ASAP2: variants seen among roughly 807,000 people sequenced by gnomAD.
The protein encoded by ASAP2 is ArfGAP with SH3 domain, ankyrin repeat and PH domain 2, also known as arf-GAP with SH3 domain, ANK repeat and PH domain-containing protein 2.
A neutral mutation model predicts 131.4 loss-of-function variants in ASAP2; 45 were observed. The observed-to-expected ratio is 0.34, with a 90% CI of 0.27 to 0.44. The LOEUF is 0.44. ASAP2 is among the 20% of genes least tolerant of loss of function. The pLI is 1.00. For synonymous variants in ASAP2, 510 were observed against 503.0 expected (o/e 1.01, Z -0.19); for missense variants, 1,011 against 1,297.0 (o/e 0.78, Z 3.39).
chr2:9,354,656 A>G (rs905810436), intron 12 of ASAP2, among the ~76,000 whole-genome samples: 2 of 151,996 alleles, frequency 1.3e-5, no homozygotes, highest in African/African-American at 2.4e-5. Context: ...AAAAAAAAAA[A>G]AAAAAGAAAA....
At chr2:9,324,785 C>T (rs1262949829) in intron 6 of ASAP2, among the ~76,000 whole-genome samples, 1 of 152,190 alleles carries the variant, frequency 6.6e-6, no homozygotes, top group African/African-American at 2.4e-5. Flanking sequence ...TTACTATTTG[C>T]ACCCTTTTAC....
intron 3 of ASAP2, among the ~76,000 whole-genome samples, chr2:9,309,372 G>A (rs1319426769): frequency 6.6e-6 from 1 of 152,176 alleles, no homozygotes; most frequent in Non-Finnish European, 1.5e-5. Context: ...GATGCAAGAA[G>A]CCAGATGAAA....
chr2:9,334,618 G>T, intron 7 of ASAP2, 120 bp from the exon 8 acceptor site: 1 of 806,898 alleles, frequency 1.2e-6, no homozygotes, highest in East Asian at 2.6e-5. Context: ...TGTTCATACA[G>T]TCTTTTCCCC....
At chr2:9,374,967 CT>C (rs761236027) in intron 17 of ASAP2, 23 bp downstream of exon 17, 38 of 1,423,608 alleles carry the variant, frequency 2.7e-5, no homozygotes, top group South Asian at 1.2e-4. Flanking sequence ...GTTGTTGCTA[CT>C]TTAAAAAAAA....
intron 1 of ASAP2, among the ~76,000 whole-genome samples, chr2:9,221,699 T>A (rs373939606): frequency 6.6e-6 from 1 of 152,266 alleles, no homozygotes; most frequent in East Asian, 1.9e-4. Context: ...TTTTGTGTAT[T>A]TGTATGTGTA....
chr2:9,341,023 G>A (rs1281548521), intron 9 of ASAP2, among the ~76,000 whole-genome samples: 1 of 152,194 alleles, frequency 6.6e-6, no homozygotes, highest in African/African-American at 2.4e-5. Flanking sequence ...TGTCAGTCGA[G>A]TTTAGGTTGT....
intron 2 of ASAP2, among the ~76,000 whole-genome samples, chr2:9,289,603 G>T (rs1470614406): frequency 2.6e-5 from 4 of 152,166 alleles, no homozygotes. Context: ...TGCCTTCCAA[G>T]TGTACTCCTA....
Position 9,405,628 on chromosome 2 carries a change from TC to T in ASAP2, c.*2302del, listed in dbSNP as rs1281752016. The stretch of plus-strand genomic sequence containing the variant: ...AGAGCATGTTTAATAAGTTTACTCT[TC>T]TTGTTAACTAGTCATTTGACTGGAA... On this transcript the variant is annotated 3_prime_UTR_variant, in exon 28 of 28. Transcript: ENST00000281419. 6.6e-6 allele frequency: 1 copy of T among 152,642 alleles called. No homozygotes were observed. The highest frequency in any genetic ancestry group is 1.9e-4 in the East Asian group (1 of 5,204). The allele number at this position is 152,642 out of a possible 1,614,324, so 9.5% of individuals were successfully genotyped here.
At chr2:9,317,119 CACA>C (rs572428930) in intron 3 of ASAP2, among the ~76,000 whole-genome samples, 1,024 of 15,222 alleles carry the variant, frequency 0.067, 16 homozygotes, top group African/African-American at 0.1. Context: ...CCCACGCAAT[CACA>C]ACCACACAAC....
At chr2:9,274,050 A>G (rs1466168160) in intron 1 of ASAP2, among the ~76,000 whole-genome samples, 3 of 152,222 alleles carry the variant, frequency 2.0e-5, no homozygotes, top group Non-Finnish European at 4.4e-5. Flanking sequence ...TAGAAACAGG[A>G]TGGAGTCAGT....
chr2:9,297,329 C>G lies in ASAP2; in HGVS notation c.229C>G (p.Gln77Glu). 1 of 1,614,118 alleles carries G rather than the reference C, an allele frequency of 6.2e-7. No individual in the cohort carries two copies. Among genetic ancestry groups the G allele is most frequent in the Non-Finnish European group, 8.5e-7 (1 of 1,180,002 alleles). ...AHVENEEQYT[Q>E]ALEKFGGNCV... ...CGTGGAAAATGAAGAGCAGTACACC[C>G]AGGCTCTGGAGAAGTTTGGCGGCAA... The change falls in exon 3 of 28, where the codon CAG becomes GAG. Residue 77 changes from glutamine to glutamate, a missense_variant. Coordinates refer to ENST00000281419, the MANE Select transcript of ASAP2 (RefSeq NM_003887.3).
rs528286976 is a variant in ASAP2, at chr2:9,367,903, T to C, written c.1462-522T>C. On this transcript the variant is annotated intron_variant, in intron 15 of 27. Transcript: ENST00000281419. ...CCTAAATTTTATCAACCCAGAAGTA[T>C]AGGTATCATCCCATTTTACTGATGA... Among the ~76,000 whole-genome samples the C allele has an allele frequency of 6.6e-4, 101 of 152,350 alleles. 1 individual carries two copies. The South Asian group carries it at 0.02, about 31-fold the overall frequency.
chr2:9,390,152 A>G (rs905419205), intron 22 of ASAP2, among the ~76,000 whole-genome samples: 7 of 152,024 alleles, frequency 4.6e-5, no homozygotes, highest in African/African-American at 1.7e-4. Flanking sequence ...TCCTGTCCCT[A>G]GCATCATTTC....
intron 20 of ASAP2, 90 bp from the exon 21 acceptor site, chr2:9,385,155 A>T (rs1190059673): frequency 5.3e-6 from 5 of 951,918 alleles, no homozygotes; most frequent in Non-Finnish European, 8.2e-6. Flanking sequence ...TTGGACTAGA[A>T]GGCAGGCCTC....
chr2:9,344,145 G>A (rs185755021), intron 9 of ASAP2, among the ~76,000 whole-genome samples: 9 of 152,264 alleles, frequency 5.9e-5, no homozygotes, highest in East Asian at 3.9e-4. Context: ...TGGTTTTGTC[G>A]TTTTGCTTGG....
Position 9,368,484 on chromosome 2 carries a change from T to C in ASAP2, c.1521T>C (p.Ala507=). The C allele has an allele frequency of 6.2e-7, 1 of 1,614,212 alleles. No individual in the cohort carries two copies. The highest frequency in any genetic ancestry group is 8.5e-7 in the Non-Finnish European group (1 of 1,180,044). The change falls in exon 16 of 28, where the codon GCT becomes GCC. Residue 507 remains alanine (A), a synonymous_variant. Transcript: ENST00000281419. The part of the protein sequence containing the change: ...FNEIMECCLP[A]EDSVKPNPGS... ...AGATCATGGAATGTTGCCTACCAGCTGAGGACTCAGTCAAACCCAACCCAG... is the reference window on the plus strand; with the variant it reads ...AGATCATGGAATGTTGCCTACCAGCCGAGGACTCAGTCAAACCCAACCCAG...
At chr2:9,401,706 T>C (rs1676689255) in intron 27 of ASAP2, among the ~76,000 whole-genome samples, 1 of 152,224 alleles carries the variant, frequency 6.6e-6, no homozygotes, top group South Asian at 2.1e-4. Flanking sequence ...CCCCCATTGC[T>C]GGATTAGTGG....
intron 2 of ASAP2, among the ~76,000 whole-genome samples, chr2:9,295,323 A>T (rs1287031708): frequency 6.6e-6 from 1 of 152,216 alleles, no homozygotes; most frequent in Non-Finnish European, 1.5e-5. Context: ...TAATTGCCTA[A>T]TAGTGTTATG....
chr2:9,309,413 G>A (rs1317015400), intron 3 of ASAP2, among the ~76,000 whole-genome samples: 2 of 152,174 alleles, frequency 1.3e-5, no homozygotes, highest in South Asian at 2.1e-4. Context: ...TCCAGATACC[G>A]TATATAAAAT....
Sources: allele counts gnomAD v4.1 joint callset (sites outside exome capture counted in the v4.1 genomes callset), GRCh38; gene constraint gnomAD v4.1.1; transcripts MANE v1.5; gene names NCBI Gene and HGNC (gene_info 2026-07-23, HGNC 2026-07-21).